TULP4: variants seen among roughly 807,000 people sequenced by gnomAD.
The protein encoded by TULP4 is TUB like protein 4.
In TULP4, 16 loss-of-function variants were observed where a neutral mutation model predicts 129.0. That is an observed-to-expected ratio of 0.12 (90% CI 0.08 to 0.19). The LOEUF (loss-of-function observed/expected upper bound fraction) is 0.19. TULP4 is among the 10% of genes least tolerant of loss of function. The pLI is 1.00. For missense variants in TULP4, 1,842 were observed against 2,059.1 expected, an observed-to-expected ratio of 0.89 and a Z score of 2.04; for synonymous variants, 998 against 854.0, an observed-to-expected ratio of 1.17 and a Z score of -2.94.
intron 1 of TULP4, among the ~76,000 whole-genome samples, chr6:158,348,173 G>GTTTTTTTTTTTTTTTTTTTTTTTTTT (rs34217788): frequency 1.8e-5 from 2 of 112,172 alleles, no homozygotes; most frequent in African/African-American, 7.6e-5. Context: ...TTTTTTTAAG[G>GTTTTTTTTTTTTTTTTTTTTTTTTTT]TTTTTTTTTT....
At chr6:158,437,458 G>C (rs1439133063) in intron 3 of TULP4, among the ~76,000 whole-genome samples, 1 of 152,176 alleles carries the variant, frequency 6.6e-6, no homozygotes, top group African/African-American at 2.4e-5. Flanking sequence ...CTACTCAGGA[G>C]GCTGAGGTGG....
chr6:158,392,794 C>CTTTTTTTTTTTTTTTTTTTTTTT lies in TULP4; in HGVS notation c.253-20268_253-20246dup, dbSNP rs773565295. On this transcript the variant is annotated intron_variant, in intron 1 of 13. Transcript: ENST00000367097. ...GTACCTATTGTTTAAATTTGTATTTCTTTTTTTTTTTTTTTTTTTTTTTTT... is the reference window on the plus strand; with the variant it reads ...GTACCTATTGTTTAAATTTGTATTTCTTTTTTTTTTTTTTTTTTTTTTTTTTTTTTTTTTTTTTTTTTTTTTTT... 9.1e-5 allele frequency among the ~76,000 whole-genome samples: 5 copies of CTTTTTTTTTTTTTTTTTTTTTTT among 54,648 alleles called. 1 individual carries two copies. Among genetic ancestry groups the CTTTTTTTTTTTTTTTTTTTTTTT allele is most frequent in the African/African-American group, 3.5e-4 (4 of 11,460 alleles). 35.9% of individuals were successfully genotyped at this position (54,648 alleles called of 152,430 possible).
chr6:158,411,792 G>A (rs1472007623), intron 1 of TULP4, among the ~76,000 whole-genome samples: 2 of 152,112 alleles, frequency 1.3e-5, no homozygotes, highest in African/African-American at 2.4e-5. Context: ...GAGAAGTCCC[G>A]GGGTTTATGT....
At chr6:158,395,864 A>C (rs1047212090) in intron 1 of TULP4, among the ~76,000 whole-genome samples, 2 of 151,954 alleles carry the variant, frequency 1.3e-5, no homozygotes, top group African/African-American at 4.8e-5. Context: ...CATTTTTCAA[A>C]GATGTACTAC....
chr6:158,447,914 T>G (rs1040161190), intron 3 of TULP4, among the ~76,000 whole-genome samples: 1 of 152,178 alleles, frequency 6.6e-6, no homozygotes, highest in Admixed American at 6.6e-5. Flanking sequence ...ACAAAAGATG[T>G]AAAGTTTTTA....
rs374933455 is a variant in TULP4 at position 158,422,840 on chromosome 6, C to T, written c.382-6896C>T. On this transcript the variant is annotated intron_variant, in intron 2 of 13. Coordinates refer to ENST00000367097, the MANE Select transcript of TULP4 (RefSeq NM_020245.5). ...AGCCTTTAAATATGCAAATGCAGGACGCCAAGGATGTTCCACACACGTGGG... is the reference window on the plus strand; with the variant it reads ...AGCCTTTAAATATGCAAATGCAGGATGCCAAGGATGTTCCACACACGTGGG... Among the ~76,000 whole-genome samples, 97 of 152,340 alleles carry T rather than the reference C, an allele frequency of 6.4e-4. 1 individual carries two copies. In the South Asian group the frequency reaches 0.019, roughly 30 times the overall value.
At chr6:158,363,126 A>G (rs1466101463) in intron 1 of TULP4, among the ~76,000 whole-genome samples, 2 of 151,116 alleles carry the variant, frequency 1.3e-5, no homozygotes, top group Non-Finnish European at 2.9e-5. Flanking sequence ...TTGTCCAGCT[A>G]TTCACTGTTT....
At chr6:158,257,541 CTTTA>C (rs1778272436) in intron 1 of TULP4, among the ~76,000 whole-genome samples, 2 of 152,214 alleles carry the variant, frequency 1.3e-5, no homozygotes, top group Non-Finnish European at 2.9e-5. Context: ...CTTTCATGGA[CTTTA>C]AAAATAACGG....
chr6:158,396,990 G>C (rs341171), intron 1 of TULP4, among the ~76,000 whole-genome samples: 70,028 of 152,088 alleles, frequency 0.46, 16,942 homozygotes, highest in African/African-American at 0.61. Flanking sequence ...TTGAATAGCT[G>C]ATGCAGTTAT....
At chr6:158,248,033 C>T (rs552850624) in intron 1 of TULP4, among the ~76,000 whole-genome samples, 2 of 152,302 alleles carry the variant, frequency 1.3e-5, no homozygotes, top group East Asian at 3.9e-4. Context: ...CTGCTGTGCG[C>T]ACAAAACCCA....
intron 1 of TULP4, among the ~76,000 whole-genome samples, chr6:158,341,245 ATGT>A (rs1780173903): frequency 1.3e-5 from 2 of 152,174 alleles, no homozygotes; most frequent in South Asian, 4.2e-4. Flanking sequence ...AGTTCCATCC[ATGT>A]TGTTGTAAAT....
At chr6:158,290,812 T>C (rs1038183924) in intron 1 of TULP4, among the ~76,000 whole-genome samples, 4 of 151,968 alleles carry the variant, frequency 2.6e-5, no homozygotes, top group Admixed American at 2.6e-4. Flanking sequence ...TTTTCTACCT[T>C]CCCCCCCACA....
chr6:158,334,962 C>G (rs887589053), intron 1 of TULP4, among the ~76,000 whole-genome samples: 4 of 152,144 alleles, frequency 2.6e-5, no homozygotes, highest in African/African-American at 9.7e-5. Flanking sequence ...ACTTCCTAAC[C>G]TCCACAACTG....
chr6:158,347,910 A>G (rs974862511), intron 1 of TULP4, among the ~76,000 whole-genome samples: 1 of 151,430 alleles, frequency 6.6e-6, no homozygotes, highest in Admixed American at 6.6e-5. Flanking sequence ...TTTGGATGAG[A>G]AAAAAAAAGA....
At chr6:158,435,921 G>A (rs1194542410) in intron 3 of TULP4, among the ~76,000 whole-genome samples, 2 of 145,800 alleles carry the variant, frequency 1.4e-5, no homozygotes, top group Non-Finnish European at 3.1e-5. Flanking sequence ...CCCTAAACTG[G>A]GACTCTTTTT....
intron 1 of TULP4, among the ~76,000 whole-genome samples, chr6:158,255,912 C>G (rs1240900582): frequency 6.6e-6 from 1 of 152,102 alleles, no homozygotes; most frequent in African/African-American, 2.4e-5. Context: ...AGGTGGCTTC[C>G]CTGGGGAAAT....
intron 1 of TULP4, among the ~76,000 whole-genome samples, chr6:158,391,879 C>A (rs1276016417): frequency 6.6e-6 from 1 of 152,170 alleles, no homozygotes. Context: ...GGAAGCCACA[C>A]CAGAGCTGGT....
intron 1 of TULP4, among the ~76,000 whole-genome samples, chr6:158,395,952 T>C (rs1777705052): frequency 6.6e-6 from 1 of 152,112 alleles, no homozygotes; most frequent in South Asian, 2.1e-4. Flanking sequence ...TAATATGAAA[T>C]ACGATGTCGA....
intron 8 of TULP4, among the ~76,000 whole-genome samples, chr6:158,483,782 G>T (rs753664730): frequency 1.3e-5 from 2 of 152,134 alleles, no homozygotes; most frequent in Non-Finnish European, 2.9e-5. Context: ...CTGGGGTGGG[G>T]CCTACAAACA....
Sources: gnomAD v4.1 joint callset for allele counts (sites outside exome capture counted in the v4.1 genomes callset) on GRCh38, gnomAD v4.1.1 for gene constraint, MANE v1.5 for transcripts, NCBI Gene and HGNC (gene_info 2026-07-23, HGNC 2026-07-21) for gene names.